Variants in ARHGEF3 observed in about 807,000 individuals in gnomAD.
ARHGEF3 encodes Rho guanine nucleotide exchange factor 3, also known as 59.8 kDA protein.
ARHGEF3 carries 28 observed loss-of-function variants against 63.2 expected under a neutral mutation model. That is an observed-to-expected ratio of 0.44 (90% CI 0.33 to 0.61). ARHGEF3 has a LOEUF of 0.61. Ranked by LOEUF, ARHGEF3 falls within the 20% of genes least tolerant of loss-of-function variation. The probability of loss-of-function intolerance (pLI) is 0.03; values close to 1 mark genes in which losing one functional copy is unlikely to be tolerated. For missense variants in ARHGEF3, 533 were observed against 659.3 expected (o/e 0.81, Z 2.10); for synonymous variants, 266 against 254.2 (o/e 1.05, Z -0.44).
chr3:56,773,297 A>C (rs2036103074), intron 2 of ARHGEF3, among the ~76,000 whole-genome samples: 1 of 152,202 alleles, frequency 6.6e-6, no homozygotes, highest in Non-Finnish European at 1.5e-5. Flanking sequence ...CTTGTGAGCC[A>C]TAAAAAAACA....
chr3:56,771,127 A>AT (rs1032645606), intron 2 of ARHGEF3, among the ~76,000 whole-genome samples: 2 of 152,056 alleles, frequency 1.3e-5, no homozygotes, highest in Non-Finnish European at 2.9e-5. Context: ...AAAAAAAAAA[A>AT]ATTATTTTGC....
At chr3:56,753,421 C>T in intron 4 of ARHGEF3, 83 bp downstream of exon 4, 3 of 1,202,184 alleles carry the variant, frequency 2.5e-6, no homozygotes, top group Admixed American at 3.9e-5. Flanking sequence ...AGACAGTTCT[C>T]ACGAAGCACC....
chr3:56,889,816 C>T (rs2041052270), intron 3 of ARHGEF3, among the ~76,000 whole-genome samples: 1 of 152,192 alleles, frequency 6.6e-6, no homozygotes, highest in Admixed American at 6.5e-5. Flanking sequence ...AATCCCAGCA[C>T]TTTGGGAGGC....
At chr3:56,768,653 C>T (rs2035839796) in intron 2 of ARHGEF3, among the ~76,000 whole-genome samples, 1 of 86,884 alleles carries the variant, frequency 1.2e-5, no homozygotes, top group Admixed American at 1.2e-4. Context: ...GAATAAAACA[C>T]ATTAAGCAAA....
rs150730063 is a variant in ARHGEF3 at position 57,005,191 on chromosome 3, T to C, written c.62+29897A>G. ...ATTTGAGAGATTTGAGAGATGGGAA[T>C]GGGAACGTCCAGGAATAGCTAAAAG... On this transcript the variant is annotated intron_variant, in intron 2 of 12. Coordinates refer to the ARHGEF3 transcript ENST00000338458. Among the ~76,000 whole-genome samples, 225 of 152,270 alleles carry C rather than the reference T, an allele frequency of 1.5e-3. 2 individuals are homozygous for C. Among genetic ancestry groups the C allele is most frequent in the African/African-American group, 5.2e-3 (218 of 41,544 alleles).
intron 1 of ARHGEF3, among the ~76,000 whole-genome samples, chr3:56,797,070 T>G (rs1172008907): frequency 6.6e-6 from 1 of 152,168 alleles, no homozygotes; most frequent in Non-Finnish European, 1.5e-5. Flanking sequence ...TGGTTAGCGC[T>G]GTATATGAAA....
intron 1 of ARHGEF3, among the ~76,000 whole-genome samples, chr3:56,791,622 C>G (rs1015150883): frequency 6.6e-6 from 1 of 151,972 alleles, no homozygotes. Flanking sequence ...TTAGAACACC[C>G]CCAGAGAGAC....
At chr3:56,925,107 G>T (rs2042243028) in intron 3 of ARHGEF3, among the ~76,000 whole-genome samples, 1 of 152,246 alleles carries the variant, frequency 6.6e-6, no homozygotes, top group Non-Finnish European at 1.5e-5. Context: ...CCAATCATGT[G>T]CTGGGATGCA....
Position 57,073,715 on chromosome 3 carries a change from T to C in ARHGEF3, c.-28+5511A>G, listed in dbSNP as rs1180129451. Reference sequence around the variant, plus strand: ...GCCCCATGTCCAGTTCTGCTCTGACTTGTGGGTCCACCTTAGAAAAGTCAG... The same window carrying C: ...GCCCCATGTCCAGTTCTGCTCTGACCTGTGGGTCCACCTTAGAAAAGTCAG... On this transcript the variant is annotated intron_variant, in intron 1 of 12. Transcript: ENST00000338458. 3.1e-6 allele frequency: 5 copies of C among 1,614,068 alleles called. 1 individual carries two copies. The Middle Eastern group carries it at 5.0e-4, about 160-fold the overall frequency.
chr3:57,040,501 A>AGAAAAGAAAAGAAAAGGAAAGG (rs1704140059), intron 1 of ARHGEF3, among the ~76,000 whole-genome samples: 8 of 134,806 alleles, frequency 5.9e-5, no homozygotes, highest in African/African-American at 2.2e-4. Flanking sequence ...AAAGAAAAGA[A>AGAAAAGAAAAGAAAAGGAAAGG]AATACCAAAA....
chr3:56,756,617 T>G (rs1462860727), intron 2 of ARHGEF3, among the ~76,000 whole-genome samples: 2 of 145,180 alleles, frequency 1.4e-5, no homozygotes. Context: ...TGGTGCGATC[T>G]CGGCTCACTG....
rs148509020 is a variant in ARHGEF3 at position 56,825,324 on chromosome 3, G to C, written c.193-51508C>G. On this transcript the variant is annotated intron_variant, in intron 4 of 12. Transcript: ENST00000338458. ...TTCTTCACAAGCTATAGAATATTCA[G>C]GTGTGGAATGAGTTCTAAAATGACG... 7.6e-3 allele frequency among the ~76,000 whole-genome samples: 1,159 copies of C among 152,314 alleles called. 4 individuals are homozygous for C. Among genetic ancestry groups the C allele is most frequent in the Middle Eastern group, 0.01 (3 of 294 alleles).
At chr3:56,898,202 T>A (rs1370094864) in intron 3 of ARHGEF3, among the ~76,000 whole-genome samples, 2 of 151,874 alleles carry the variant, frequency 1.3e-5, no homozygotes, top group Non-Finnish European at 2.9e-5. Context: ...AAAACATTTT[T>A]AGGTATGTCT....
At chr3:57,015,032 AG>A (rs1403559133) in intron 2 of ARHGEF3, among the ~76,000 whole-genome samples, 1 of 151,374 alleles carries the variant, frequency 6.6e-6, no homozygotes, top group African/African-American at 2.4e-5. Context: ...TTTTAGCAAA[AG>A]TCTGCCAACA....
intron 3 of ARHGEF3, among the ~76,000 whole-genome samples, chr3:56,938,423 T>C (rs1042740767): frequency 6.6e-6 from 1 of 152,186 alleles, no homozygotes; most frequent in African/African-American, 2.4e-5. Flanking sequence ...TCTTCGATAA[T>C]AGAATATATT....
chr3:56,855,802 A>AC (rs2039854077), intron 4 of ARHGEF3, among the ~76,000 whole-genome samples: 1 of 152,186 alleles, frequency 6.6e-6, no homozygotes, highest in Non-Finnish European at 1.5e-5. Flanking sequence ...GTCATGCTGA[A>AC]CCACAGCTCT....
chr3:56,854,866 C>T (rs1192689259), intron 4 of ARHGEF3, among the ~76,000 whole-genome samples: 1 of 152,134 alleles, frequency 6.6e-6, no homozygotes, highest in Non-Finnish European at 1.5e-5. Context: ...CCCTGAGGGA[C>T]ACCCCCAATT....
In ARHGEF3 at chr3:56,992,937, G is replaced by A. The variant is rs145367945; in HGVS notation, c.63-34048C>T. On this transcript the variant is annotated intron_variant, in intron 2 of 12. Coordinates refer to the ARHGEF3 transcript ENST00000338458. ...CAACCTCTGCCGCCTGGGTTCAAGC[G>A]ATTCTCCTGCCTCAGCCTCCCCAGT... 3.2e-3 allele frequency among the ~76,000 whole-genome samples: 489 copies of A among 152,240 alleles called. 1 individual carries two copies. The highest frequency in any genetic ancestry group is 0.011 in the African/African-American group (462 of 41,528).
Position 56,967,941 on chromosome 3 carries a change from AT to A in ARHGEF3, c.63-9053del, listed in dbSNP as rs1196068088. ...ATATATTATATATAATATAAAATATATTATATATTATATATATAAAATATAT... is the reference window on the plus strand; with the variant it reads ...ATATATTATATATAATATAAAATATATATATATTATATATATAAAATATAT... On this transcript the variant is annotated intron_variant, in intron 2 of 12. Coordinates refer to the ARHGEF3 transcript ENST00000338458. 9.6e-5 allele frequency among the ~76,000 whole-genome samples: 6 copies of A among 62,722 alleles called. No individual in the cohort carries two copies. In the East Asian group the frequency reaches 3.9e-3, roughly 41 times the overall value. The allele number at this position is 62,722 out of a possible 152,430, so 41.1% of individuals were successfully genotyped here.
Sources: allele counts gnomAD v4.1 joint callset (sites outside exome capture counted in the v4.1 genomes callset), GRCh38; gene constraint gnomAD v4.1.1; transcripts MANE v1.5; gene names NCBI Gene and HGNC (gene_info 2026-07-23, HGNC 2026-07-21).